The following PCSK6 variants were observed in gnomAD, a reference collection of about 807,000 sequenced individuals.
The protein encoded by PCSK6 is paired basic amino acid cleaving enzyme 4.
PCSK6 carries 85 observed loss-of-function variants against 123.3 expected under a neutral mutation model. That is an observed-to-expected ratio of 0.69 (90% CI 0.58 to 0.83). The LOEUF (loss-of-function observed/expected upper bound fraction) is 0.83. Ranked by LOEUF, PCSK6 falls within the 40% of genes least tolerant of loss-of-function variation. PCSK6 has a pLI of 0.00. For synonymous variants in PCSK6, 508 were observed against 516.0 expected (o/e 0.98, Z 0.21); for missense variants, 1,191 against 1,282.3 (o/e 0.93, Z 1.09).
Position 101,480,156 on chromosome 15 carries a change from T to C in PCSK6, c.297+9218A>G, listed in dbSNP as rs569904491. 1.2e-4 allele frequency among the ~76,000 whole-genome samples: 19 copies of C among 152,304 alleles called. No homozygotes were observed. In the East Asian group the frequency reaches 3.5e-3, roughly 28 times the overall value. On this transcript the variant is annotated intron_variant, in intron 1 of 21. Transcript: ENST00000611716. ...CTCAGAGCTTCGGTAGTCTGCTCCA[T>C]TTGGGCTGTTTCTGCCCACTCTCAC...
At chr15:101,374,063 G>A (rs1279696099) in intron 11 of PCSK6, among the ~76,000 whole-genome samples, 1 of 152,196 alleles carries the variant, frequency 6.6e-6, no homozygotes, top group Non-Finnish European at 1.5e-5. Flanking sequence ...CGTTGTTGAA[G>A]CCAGGGAGAC....
intron 13 of PCSK6, among the ~76,000 whole-genome samples, chr15:101,350,061 A>G (rs1333761579): frequency 6.6e-6 from 1 of 152,066 alleles, no homozygotes; most frequent in Admixed American, 6.6e-5. Flanking sequence ...GGTGCACGCC[A>G]CCATGCCCGG....
At chr15:101,475,677 G>T (rs2057713870) in intron 1 of PCSK6, among the ~76,000 whole-genome samples, 1 of 132,332 alleles carries the variant, frequency 7.6e-6, no homozygotes, top group African/African-American at 2.9e-5. Flanking sequence ...TTTTTGTAGA[G>T]TCAGGAACTT....
chr15:101,429,569 C>T (rs186298205), intron 5 of PCSK6, among the ~76,000 whole-genome samples: 39 of 152,248 alleles, frequency 2.6e-4, no homozygotes, highest in Non-Finnish European at 4.3e-4. Flanking sequence ...TTACTCATGC[C>T]CCTTCCACCT....
In PCSK6 at chr15:101,413,005, T is replaced by TGAGGAGGAG. The variant is rs925761371; in HGVS notation, c.824-14438_824-14430dup. Among the ~76,000 whole-genome samples, 105 of 106,052 alleles carry TGAGGAGGAG rather than the reference T, an allele frequency of 9.9e-4. 1 individual carries two copies. The highest frequency in any genetic ancestry group is 4.3e-3 in the East Asian group (18 of 4,224). 69.6% of individuals were successfully genotyped at this position (106,052 alleles called of 152,430 possible). A position where few individuals can be genotyped will look rare whatever the true frequency, so the allele number is the denominator to read the frequency against. Reference sequence around the variant, plus strand: ...CCTGTCTCTAATAATGGAGGAGGAGTGAGGAGGAGGAGGAGGAGGAGGAGG... The same window carrying TGAGGAGGAG: ...CCTGTCTCTAATAATGGAGGAGGAGTGAGGAGGAGGAGGAGGAGGAGGAGGAGGAGGAGG... On this transcript the variant is annotated intron_variant, in intron 6 of 21. Coordinates refer to ENST00000611716, the MANE Select transcript of PCSK6 (RefSeq NM_002570.5).
intron 1 of PCSK6, among the ~76,000 whole-genome samples, chr15:101,488,379 G>T (rs1023440184): frequency 6.6e-6 from 1 of 152,218 alleles, no homozygotes; most frequent in African/African-American, 2.4e-5. Flanking sequence ...CAGCCCGGTA[G>T]CTGGTTGAGA....
chr15:101,478,829 T>C lies in PCSK6; in HGVS notation c.297+10545A>G, dbSNP rs556588960. ...AAAGGGTGGAAAGCATAAGCGATAT[T>C]TGACTATACAGAAACATCACAAATA... is the stretch of plus-strand genomic sequence containing the variant. On this transcript the variant is annotated intron_variant, in intron 1 of 21. Coordinates refer to ENST00000611716, the MANE Select transcript of PCSK6 (RefSeq NM_002570.5). 2.6e-5 allele frequency among the ~76,000 whole-genome samples: 4 copies of C among 152,292 alleles called. No individual in the cohort carries two copies. The South Asian group carries it at 6.2e-4, about 24-fold the overall frequency.
chr15:101,351,045 T>C (rs1361635367), intron 13 of PCSK6, among the ~76,000 whole-genome samples: 1 of 152,252 alleles, frequency 6.6e-6, no homozygotes, highest in Non-Finnish European at 1.5e-5. Flanking sequence ...ATTTTGTCAT[T>C]ATCTGTGCTT....
intron 17 of PCSK6, among the ~76,000 whole-genome samples, chr15:101,323,189 C>T (rs2040169878): frequency 6.6e-6 from 1 of 152,196 alleles, no homozygotes; most frequent in Admixed American, 6.5e-5. Context: ...GTGCTCTGGG[C>T]CTGGGAGCTA....
At chr15:101,465,299 G>A (rs2057431511) in intron 1 of PCSK6, among the ~76,000 whole-genome samples, 1 of 128,730 alleles carries the variant, frequency 7.8e-6, no homozygotes, top group South Asian at 2.7e-4. Flanking sequence ...ACTAAACACA[G>A]GCCCTAAACC....
chr15:101,410,509 C>T (rs1484775319), intron 6 of PCSK6, among the ~76,000 whole-genome samples: 1 of 152,210 alleles, frequency 6.6e-6, no homozygotes, highest in Non-Finnish European at 1.5e-5. Flanking sequence ...ATGCCTGCTG[C>T]CCTCTCTCGC....
rs1340489880 is a variant in PCSK6 at position 101,398,037 on chromosome 15, C to T, written c.996+367G>A. On this transcript the variant is annotated intron_variant, in intron 7 of 21. Coordinates refer to ENST00000611716, the MANE Select transcript of PCSK6 (RefSeq NM_002570.5). This position sits in a 1 kb window ranked among gnomAD's most constrained non-coding sequence, Gnocchi z 4.6. Reference sequence around the variant, plus strand: ...TGGGTGTTTCTAAGGGCAGGTGGGCCGAGGCCCCTGCAGAGTCCAAGTAAC... The same window carrying T: ...TGGGTGTTTCTAAGGGCAGGTGGGCTGAGGCCCCTGCAGAGTCCAAGTAAC... Among the ~76,000 whole-genome samples the T allele has an allele frequency of 1.3e-5, 2 of 152,184 alleles. No individual in the cohort carries two copies. Among genetic ancestry groups the T allele is most frequent in the African/African-American group, 2.4e-5 (1 of 41,448 alleles).
chr15:101,431,609 C>T, intron 3 of PCSK6, 146 bp from the exon 4 acceptor site: 2 of 924,244 alleles, frequency 2.2e-6, no homozygotes, highest in Admixed American at 4.0e-5. Context: ...AGCAGAGCTC[C>T]TCTTTCCCAC....
chr15:101,471,393 A>T (rs975911279), intron 1 of PCSK6, among the ~76,000 whole-genome samples: 5 of 152,148 alleles, frequency 3.3e-5, no homozygotes, highest in Non-Finnish European at 7.4e-5. Context: ...AATTTTTCAA[A>T]CATGCACCAA....
chr15:101,489,590 C>A lies in PCSK6; in HGVS notation c.81G>T (p.Ala27=). 2.1e-6 allele frequency: 2 copies of A among 961,806 alleles called. No individual in the cohort carries two copies. The highest frequency in any genetic ancestry group is 9.5e-5 in the South Asian group (2 of 21,120). The allele number at this position is 961,806 out of a possible 1,614,324, so 59.6% of individuals were successfully genotyped here. A position where few individuals can be genotyped will look rare whatever the true frequency, so the allele number is the denominator to read the frequency against. Residue 27 remains alanine, a synonymous_variant, in exon 1 of 22, where the codon GCG becomes GCT. Coordinates refer to ENST00000611716, the MANE Select transcript of PCSK6 (RefSeq NM_002570.5). The part of the protein sequence containing the change: ...AAAATDTAAG[A]GGAGGAGGAG... ...CGCCCCCCGCGCCCCCCGCGCCCCC[C>A]GCGCCCGCGGCGGTGTCGGTGGCGG...
intron 1 of PCSK6, among the ~76,000 whole-genome samples, chr15:101,474,301 A>G (rs1156689651): frequency 6.6e-6 from 1 of 152,204 alleles, no homozygotes; most frequent in Non-Finnish European, 1.5e-5. Flanking sequence ...AATAAACTCC[A>G]ACTGGGACAA....
chr15:101,442,131 A>G (rs935820175), intron 2 of PCSK6, among the ~76,000 whole-genome samples: 13 of 152,102 alleles, frequency 8.5e-5, no homozygotes, highest in Admixed American at 3.3e-4. Flanking sequence ...ACATTCCTTC[A>G]TGTTCCATGG....
chr15:101,347,570 T>C, intron 13 of PCSK6: 2 of 1,433,600 alleles, frequency 1.4e-6, no homozygotes, highest in Non-Finnish European at 1.8e-6. Context: ...CACGCATTCA[T>C]GCAGTCAATC....
At chr15:101,429,219 G>A (rs768369100) in intron 5 of PCSK6, among the ~76,000 whole-genome samples, 13 of 149,562 alleles carry the variant, frequency 8.7e-5, no homozygotes, top group Non-Finnish European at 1.5e-4. Flanking sequence ...TCAGGGTATG[G>A]GGCATGCTGA....
Sources: gnomAD v4.1 joint callset for allele counts (sites outside exome capture counted in the v4.1 genomes callset) on GRCh38, gnomAD v4.1.1 for gene constraint, Gnocchi (gnomAD v3.1) non-coding constraint, MANE v1.5 for transcripts, NCBI Gene and HGNC (gene_info 2026-07-23, HGNC 2026-07-21) for gene names.